The following COL24A1 variants were observed in gnomAD, a reference collection of about 807,000 sequenced individuals.
COL24A1 encodes the protein collagen alpha-1(XXIV) chain.
In COL24A1, 224 loss-of-function variants were observed where a neutral mutation model predicts 253.9. That is an observed-to-expected ratio of 0.88 (90% confidence interval 0.79 to 0.99). COL24A1 has a LOEUF of 0.99. Among genes scored for constraint, COL24A1 ranks in the 50% least tolerant of loss-of-function variants. The pLI, the probability that COL24A1 is intolerant of heterozygous loss-of-function variation, is 0.00. For missense variants in COL24A1, 2,131 were observed against 2,068.5 expected (o/e 1.03, Z -0.59); for synonymous variants, 685 against 673.7 (o/e 1.02, Z -0.26).
At chr1:85,888,013 C>T (rs1316010853) in intron 32 of COL24A1, among the ~76,000 whole-genome samples, 2 of 150,998 alleles carry the variant, frequency 1.3e-5, no homozygotes, top group Admixed American at 6.6e-5. Context: ...TATAATCTTC[C>T]ATTCTCAAAC....
chr1:85,781,667 T>C (rs1195902441), intron 51 of COL24A1, among the ~76,000 whole-genome samples: 1 of 152,086 alleles, frequency 6.6e-6, no homozygotes, highest in African/African-American at 2.4e-5. Flanking sequence ...AAGTAGATGT[T>C]TGGGTAACAT....
intron 2 of COL24A1, among the ~76,000 whole-genome samples, chr1:86,139,192 G>T (rs1337750834): frequency 6.6e-6 from 1 of 151,598 alleles, no homozygotes; most frequent in Admixed American, 6.6e-5. Context: ...GGGGGGAGAG[G>T]GAGGAGAGAG....
At position 85,863,047 on chromosome 1, in the gene COL24A1, G is replaced by A. The variant is rs559150721; in HGVS notation, c.3300+5472C>T. 7.0e-4 allele frequency among the ~76,000 whole-genome samples: 107 copies of A among 152,260 alleles called. No homozygotes were observed. The Middle Eastern group carries it at 0.02, about 29-fold the overall frequency. ...GGTCCTTCACATCCCTTGTAAGTTGGATTTCTAGATATTTGATTATCTTTG... is the reference window on the plus strand; with the variant it reads ...GGTCCTTCACATCCCTTGTAAGTTGAATTTCTAGATATTTGATTATCTTTG... On this transcript the variant is annotated intron_variant, in intron 37 of 59. Transcript: ENST00000370571.
chr1:85,968,175 C>T (rs1381094629), intron 22 of COL24A1, among the ~76,000 whole-genome samples: 3 of 152,098 alleles, frequency 2.0e-5, no homozygotes, highest in Non-Finnish European at 4.4e-5. Context: ...ATTGTGGGAA[C>T]TTGTGATCGT....
At chr1:85,900,223 A>G (rs1684142329) in intron 28 of COL24A1, among the ~76,000 whole-genome samples, 1 of 152,152 alleles carries the variant, frequency 6.6e-6, no homozygotes, top group Non-Finnish European at 1.5e-5. Flanking sequence ...TACCAATGTC[A>G]TTTTTCACAG....
intron 37 of COL24A1, among the ~76,000 whole-genome samples, chr1:85,863,957 T>G (rs905878185): frequency 6.6e-6 from 1 of 152,210 alleles, no homozygotes; most frequent in African/African-American, 2.4e-5. Flanking sequence ...TTGGTGGGAC[T>G]GTAACCTAGT....
chr1:86,126,127 G>A lies in COL24A1; in HGVS notation c.209C>T (p.Pro70Leu), dbSNP rs373027076. 228 of 1,611,672 alleles carry A rather than the reference G, an allele frequency of 1.4e-4. 1 individual carries two copies. The highest frequency in any genetic ancestry group is 5.7e-4 in the South Asian group (52 of 91,074). Residue 70 changes from proline (P) to leucine (L), a missense_variant, in exon 3 of 60, where the codon CCG becomes CTG. Physicochemically the swap from Pro to Leu is moderately conservative, Grantham distance 98. Transcript: ENST00000370571. Reference protein sequence around the residue: ...PATAVPSASTPLPQGVHLTES... With the variant: ...PATAVPSASTLLPQGVHLTES... ...TGTTAAATGGACCCCCTGAGGTAACGGTGTAGATGCTGATGGTACAGCAGT... is the reference window on the plus strand; with the variant it reads ...TGTTAAATGGACCCCCTGAGGTAACAGTGTAGATGCTGATGGTACAGCAGT...
intron 47 of COL24A1, among the ~76,000 whole-genome samples, chr1:85,787,121 T>C (rs1157331011): frequency 6.6e-6 from 1 of 152,060 alleles, no homozygotes; most frequent in Admixed American, 6.5e-5. Flanking sequence ...TACTGGACAG[T>C]CATGCTCATT....
At chr1:85,952,329 G>GA (rs1265999448) in intron 24 of COL24A1, among the ~76,000 whole-genome samples, 2 of 151,698 alleles carry the variant, frequency 1.3e-5, no homozygotes, top group Non-Finnish European at 2.9e-5. Flanking sequence ...GTTTGTTAAG[G>GA]AAAAAAAATG....
intron 35 of COL24A1, among the ~76,000 whole-genome samples, chr1:85,869,747 C>G (rs546277478): frequency 6.6e-6 from 1 of 152,114 alleles, no homozygotes; most frequent in African/African-American, 2.4e-5. Context: ...AAAAACATGC[C>G]AAATTGTAAA....
At chr1:86,080,010 G>T (rs1233969080) in intron 7 of COL24A1, among the ~76,000 whole-genome samples, 1 of 152,132 alleles carries the variant, frequency 6.6e-6, no homozygotes, top group Non-Finnish European at 1.5e-5. Context: ...CCAAGATTTG[G>T]AAGTGACCTA....
chr1:85,990,814 C>T (rs1694184886), intron 19 of COL24A1, among the ~76,000 whole-genome samples: 1 of 152,040 alleles, frequency 6.6e-6, no homozygotes, highest in Non-Finnish European at 1.5e-5. Flanking sequence ...GATACAACAA[C>T]AAAAACTGTC....
chr1:85,964,651 CTT>C (rs1189574476), intron 23 of COL24A1, among the ~76,000 whole-genome samples: 1 of 152,072 alleles, frequency 6.6e-6, no homozygotes, highest in East Asian at 1.9e-4. Context: ...AAATCTGAAA[CTT>C]TTTGAGTATC....
intron 43 of COL24A1, among the ~76,000 whole-genome samples, chr1:85,837,305 T>C (rs1482113502): frequency 2.0e-5 from 3 of 152,336 alleles, no homozygotes; most frequent in East Asian, 3.9e-4. Context: ...TATTTAGAAC[T>C]ATTCTCAACA....
chr1:86,041,129 A>G (rs1699443769), intron 12 of COL24A1, among the ~76,000 whole-genome samples: 1 of 152,200 alleles, frequency 6.6e-6, no homozygotes, highest in Non-Finnish European at 1.5e-5. Flanking sequence ...ATAGTTAGAA[A>G]AGTAAACATC....
chr1:85,893,394 A>G (rs1436781630), intron 31 of COL24A1, among the ~76,000 whole-genome samples: 1 of 152,148 alleles, frequency 6.6e-6, no homozygotes, highest in Non-Finnish European at 1.5e-5. Flanking sequence ...ATTAGAAAGA[A>G]TTAAAGGGAG....
chr1:86,061,006 T>A (rs995317232), intron 8 of COL24A1, among the ~76,000 whole-genome samples: 25 of 151,992 alleles, frequency 1.6e-4, no homozygotes, highest in African/African-American at 5.8e-4. Flanking sequence ...AAAAACCCTA[T>A]AAGATAGATA....
intron 20 of COL24A1, among the ~76,000 whole-genome samples, chr1:85,973,593 C>CT (rs1692386156): frequency 1.3e-5 from 2 of 151,990 alleles, no homozygotes; most frequent in African/African-American, 4.8e-5. Flanking sequence ...TAAGAACATA[C>CT]AATATTAAGA....
chr1:85,833,325 C>T (rs1675573645), intron 43 of COL24A1, among the ~76,000 whole-genome samples: 1 of 152,168 alleles, frequency 6.6e-6, no homozygotes, highest in Admixed American at 6.5e-5. Flanking sequence ...AGACACTTCT[C>T]AAAAGAAGAC....
Sources: gnomAD v4.1 joint callset for allele counts (sites outside exome capture counted in the v4.1 genomes callset) on GRCh38, gnomAD v4.1.1 for gene constraint, MANE v1.5 for transcripts, NCBI Gene and HGNC (gene_info 2026-07-23, HGNC 2026-07-21) for gene names.